The following SGCZ variants were observed in gnomAD, a reference collection of about 807,000 sequenced individuals.
The protein encoded by SGCZ is zeta-sarcoglycan.
In SGCZ, 40 loss-of-function variants were observed where a neutral mutation model predicts 41.3. The ratio of observed to expected loss-of-function variants is 0.97; its 90% CI spans 0.75 to 1.26. The LOEUF (loss-of-function observed/expected upper bound fraction) is 1.26, where lower values mean the gene tolerates loss of function less well. Among genes scored for constraint, SGCZ ranks in the 50% most tolerant of loss-of-function variants. SGCZ has a pLI of 0.00. For synonymous variants in SGCZ, 206 were observed against 137.5 expected, an observed-to-expected ratio of 1.50 and a Z score of -3.49; for missense variants, 552 against 369.8, an observed-to-expected ratio of 1.49 and a Z score of -4.04.
intron 1 of SGCZ, among the ~76,000 whole-genome samples, chr8:14,575,932 A>AAAAAG (rs1563126402): frequency 3.0e-4 from 41 of 136,512 alleles, no homozygotes; most frequent in Non-Finnish European, 4.2e-4. Flanking sequence ...AAAAAAAAAA[A>AAAAAG]AAAGAAAGAA....
chr8:14,324,936 A>G (rs1802042496), intron 2 of SGCZ, among the ~76,000 whole-genome samples: 1 of 152,204 alleles, frequency 6.6e-6, no homozygotes, highest in Non-Finnish European at 1.5e-5. Flanking sequence ...GGGTGGAACA[A>G]AATAAACATT....
chr8:14,226,822 G>A (rs922386522), intron 4 of SGCZ, among the ~76,000 whole-genome samples: 4 of 152,194 alleles, frequency 2.6e-5, no homozygotes, highest in Middle Eastern at 3.4e-3. Context: ...CCTAGCAGCA[G>A]GAGTATAAAA....
intron 2 of SGCZ, among the ~76,000 whole-genome samples, chr8:14,467,394 T>C (rs1801082038): frequency 6.6e-6 from 1 of 152,068 alleles, no homozygotes; most frequent in Non-Finnish European, 1.5e-5. Flanking sequence ...TCTGTACTTC[T>C]ATAATCAGAA....
intron 1 of SGCZ, among the ~76,000 whole-genome samples, chr8:14,658,547 A>G (rs1295396403): frequency 2.0e-5 from 3 of 152,060 alleles, no homozygotes; most frequent in Non-Finnish European, 2.9e-5. Context: ...TTTTCCCTAC[A>G]CATCCTTACA....
chr8:14,640,649 GGTGT>G (rs3068698), intron 1 of SGCZ, among the ~76,000 whole-genome samples: 103 of 149,974 alleles, frequency 6.9e-4, no homozygotes, highest in Middle Eastern at 6.8e-3. Context: ...TATATATAGG[GGTGT>G]GTGTGTGTGT....
chr8:15,052,186 C>G (rs1051669122), intron 1 of SGCZ, among the ~76,000 whole-genome samples: 2 of 152,042 alleles, frequency 1.3e-5, no homozygotes, highest in Non-Finnish European at 2.9e-5. Flanking sequence ...TAAAAGAAAG[C>G]AGAAATAAAT....
chr8:14,890,592 T>C (rs904431601), intron 1 of SGCZ, among the ~76,000 whole-genome samples: 22 of 152,194 alleles, frequency 1.4e-4, no homozygotes, highest in Non-Finnish European at 4.4e-5. Flanking sequence ...AACCTGAAAG[T>C]GCAAGGCAAA....
intron 7 of SGCZ, among the ~76,000 whole-genome samples, chr8:14,093,238 T>C (rs1052982784): frequency 2.0e-5 from 3 of 151,974 alleles, no homozygotes; most frequent in African/African-American, 7.3e-5. Context: ...CTAGGACTCC[T>C]GTGATAGTCC....
At chr8:14,976,243 A>G (rs529723851) in intron 1 of SGCZ, among the ~76,000 whole-genome samples, 2 of 151,896 alleles carry the variant, frequency 1.3e-5, no homozygotes, top group South Asian at 4.2e-4. Context: ...GGATGGTTTC[A>G]AACTCCTGAC....
At chr8:15,114,591 G>C (rs1476486820) in intron 1 of SGCZ, among the ~76,000 whole-genome samples, 1 of 152,206 alleles carries the variant, frequency 6.6e-6, no homozygotes, top group East Asian at 1.9e-4. Flanking sequence ...TCTATCTATA[G>C]AGAGCTGTGC....
At chr8:14,216,024 G>A (rs934855870) in intron 4 of SGCZ, among the ~76,000 whole-genome samples, 1 of 152,136 alleles carries the variant, frequency 6.6e-6, no homozygotes, top group East Asian at 1.9e-4. Context: ...CAACAAACCC[G>A]CCCTCCAGGC....
chr8:15,057,633 C>G (rs1034440629), intron 1 of SGCZ, among the ~76,000 whole-genome samples: 5 of 152,064 alleles, frequency 3.3e-5, no homozygotes, highest in Non-Finnish European at 5.9e-5. Context: ...AAAATGAAGA[C>G]TAAAAGAAGA....
chr8:14,101,975 C>T (rs1046105291), intron 7 of SGCZ, among the ~76,000 whole-genome samples: 17 of 151,678 alleles, frequency 1.1e-4, no homozygotes, highest in Admixed American at 9.9e-4. Flanking sequence ...CTCCGCCTCC[C>T]ATGGGTTCGT....
intron 1 of SGCZ, among the ~76,000 whole-genome samples, chr8:14,666,607 A>G (rs1807918536): frequency 6.6e-6 from 1 of 151,898 alleles, no homozygotes; most frequent in African/African-American, 2.4e-5. Flanking sequence ...CAGTCTTTGG[A>G]ACTGAGAAGG....
intron 2 of SGCZ, among the ~76,000 whole-genome samples, chr8:14,408,287 A>C (rs1265499325): frequency 6.6e-6 from 1 of 152,084 alleles, no homozygotes; most frequent in Admixed American, 6.6e-5. Flanking sequence ...TGTTTGTTTA[A>C]TCCATTTTAT....
chr8:15,118,722 G>A (rs1807365969), intron 1 of SGCZ, among the ~76,000 whole-genome samples: 1 of 151,912 alleles, frequency 6.6e-6, no homozygotes, highest in Non-Finnish European at 1.5e-5. Flanking sequence ...CCAATTTGTG[G>A]TATATTAGGA....
chr8:15,095,633 T>C (rs1806318802), intron 1 of SGCZ, among the ~76,000 whole-genome samples: 1 of 152,132 alleles, frequency 6.6e-6, no homozygotes, highest in Non-Finnish European at 1.5e-5. Flanking sequence ...CTGAACATTC[T>C]TGCAATTGTT....
intron 1 of SGCZ, among the ~76,000 whole-genome samples, chr8:15,172,702 C>A (rs975816101): frequency 6.6e-6 from 1 of 152,118 alleles, no homozygotes; most frequent in Non-Finnish European, 1.5e-5. Context: ...ATTAAAAAAT[C>A]TTCCTGGGAT....
At chr8:14,273,089 A>C (rs899448486) in intron 3 of SGCZ, among the ~76,000 whole-genome samples, 3 of 152,090 alleles carry the variant, frequency 2.0e-5, no homozygotes, top group African/African-American at 7.2e-5. Flanking sequence ...TTTTCTGGTG[A>C]AATATTTTGA....
Sources: allele counts gnomAD v4.1 joint callset (sites outside exome capture counted in the v4.1 genomes callset), GRCh38; gene constraint gnomAD v4.1.1; transcripts MANE v1.5; gene names NCBI Gene and HGNC (gene_info 2026-07-23, HGNC 2026-07-21).